Variants in NRG2 observed in about 807,000 individuals in gnomAD.
NRG2 encodes pro-neuregulin-2, membrane-bound isoform.
NRG2 carries 27 observed loss-of-function variants against 73.9 expected under a neutral mutation model. That is an observed-to-expected ratio of 0.37 (90% CI 0.27 to 0.50). NRG2 has a LOEUF of 0.50. Among genes scored for constraint, NRG2 ranks in the 20% least tolerant of loss-of-function variants. The pLI is 0.96. For synonymous variants in NRG2, 532 were observed against 541.0 expected (o/e 0.98, Z 0.23); for missense variants, 1,126 against 1,210.1 (o/e 0.93, Z 1.03).
Position 139,940,676 on chromosome 5 carries a change from A to G in NRG2, c.701-53165T>C, listed in dbSNP as rs573493571. Among the ~76,000 whole-genome samples, 9 of 152,360 alleles carry G rather than the reference A, an allele frequency of 5.9e-5. No individual in the cohort carries two copies. In the South Asian group the frequency reaches 1.7e-3, roughly 28 times the overall value. ...CTATCATTTGTGAGGGCAAAAAAGA[A>G]AACACATAGGTATGTGCCATGTAGG... On this transcript the variant is annotated intron_variant, in intron 1 of 9. Transcript: ENST00000361474.
At chr5:140,010,182 C>G (rs1759248467) in intron 1 of NRG2, among the ~76,000 whole-genome samples, 1 of 152,038 alleles carries the variant, frequency 6.6e-6, no homozygotes, top group Non-Finnish European at 1.5e-5. Context: ...CCTGTAATCC[C>G]AGCTACTTGG....
In NRG2 at chr5:139,887,242, T is replaced by C. The variant is rs1763924500; in HGVS notation, c.872+98A>G. On this transcript the variant is annotated intron_variant, in intron 2 of 9. Transcript: ENST00000361474. This position sits in a 1 kb window ranked among gnomAD's most constrained non-coding sequence, Gnocchi z 4.5. The stretch of plus-strand genomic sequence containing the variant: ...CTGGGACTGGTTCCATGGGTGAGTC[T>C]GGGGGCACAGCCCTGGCCTCTGCCC... 2.1e-6 allele frequency: 3 copies of C among 1,414,428 alleles called. No individual in the cohort carries two copies. In the African/African-American group the frequency reaches 4.2e-5, roughly 20 times the overall value. 87.6% of individuals were successfully genotyped at this position (1,414,428 alleles called of 1,614,324 possible).
At chr5:139,964,420 CA>C (rs5871720) in intron 1 of NRG2, among the ~76,000 whole-genome samples, 31,620 of 151,726 alleles carry the variant, frequency 0.21, 4,093 homozygotes, top group African/African-American at 0.37. Context: ...CACAGCCTGT[CA>C]ATAACCACAC....
intron 1 of NRG2, among the ~76,000 whole-genome samples, chr5:139,903,422 A>C (rs1043052338): frequency 3.3e-5 from 5 of 152,224 alleles, no homozygotes; most frequent in South Asian, 2.1e-4. Context: ...AAAACACATA[A>C]AATTAGCACA....
chr5:139,861,713 A>C (rs1762157695), intron 5 of NRG2: 1 of 516,092 alleles, frequency 1.9e-6, no homozygotes, highest in East Asian at 5.5e-5. Flanking sequence ...AGGGTGTCCC[A>C]GGGCTGGTCA....
intron 1 of NRG2, among the ~76,000 whole-genome samples, chr5:139,907,685 C>A (rs564582489): frequency 6.6e-6 from 1 of 152,308 alleles, no homozygotes; most frequent in Admixed American, 6.5e-5. Flanking sequence ...CACGAGCACT[C>A]TCCCTGGACT....
At chr5:139,892,870 T>C (rs1764304780) in intron 1 of NRG2, among the ~76,000 whole-genome samples, 1 of 152,178 alleles carries the variant, frequency 6.6e-6, no homozygotes, top group Non-Finnish European at 1.5e-5. Flanking sequence ...CCCTTGAGTA[T>C]TGAGCACCTC....
chr5:139,857,408 G>A (rs1761875862), intron 5 of NRG2, among the ~76,000 whole-genome samples: 1 of 152,014 alleles, frequency 6.6e-6, no homozygotes, highest in Non-Finnish European at 1.5e-5. Flanking sequence ...TGCACCTATT[G>A]GCAGCCTCTG....
chr5:139,898,497 C>T (rs747422901), intron 1 of NRG2, among the ~76,000 whole-genome samples: 36 of 152,220 alleles, frequency 2.4e-4, no homozygotes, highest in Admixed American at 7.2e-4. Flanking sequence ...CACCTGACTG[C>T]ACCAGAAGTC....
chr5:139,996,670 C>T (rs59852076), intron 1 of NRG2, among the ~76,000 whole-genome samples: 2,398 of 152,330 alleles, frequency 0.016, 58 homozygotes, highest in African/African-American at 0.055. Flanking sequence ...GCTTAGCAGG[C>T]CTGCCCTTCA....
intron 5 of NRG2, among the ~76,000 whole-genome samples, chr5:139,864,368 T>C (rs1762338243): frequency 6.6e-6 from 1 of 150,984 alleles, no homozygotes; most frequent in Admixed American, 6.6e-5. Context: ...TCTTTCTTTC[T>C]TCTCCTTCTT....
Position 139,954,540 on chromosome 5 carries a change from G to T in NRG2, c.701-67029C>A, listed in dbSNP as rs563739149. Among the ~76,000 whole-genome samples, 2 of 152,250 alleles carry T rather than the reference G, an allele frequency of 1.3e-5. No homozygotes were observed. The highest frequency in any genetic ancestry group is 6.5e-5 in the Admixed American group (1 of 15,304). Reference sequence around the variant, plus strand: ...AATGGCTTCTCAACGCCTTAGTCAAGATAAATAAACTTCTAAGCCCCAACT... The same window carrying T: ...AATGGCTTCTCAACGCCTTAGTCAATATAAATAAACTTCTAAGCCCCAACT... On this transcript the variant is annotated intron_variant, in intron 1 of 9. Transcript: ENST00000361474. This position sits in a 1 kb window ranked among gnomAD's most constrained non-coding sequence, Gnocchi z 5.0.
rs1434237373 is a variant in NRG2 at position 139,915,067 on chromosome 5, T to C, written c.701-27556A>G. Among the ~76,000 whole-genome samples, 1 of 152,214 alleles carries C rather than the reference T, an allele frequency of 6.6e-6. No individual in the cohort carries two copies. Among genetic ancestry groups the C allele is most frequent in the Non-Finnish European group, 1.5e-5 (1 of 68,036 alleles). On this transcript the variant is annotated intron_variant, in intron 1 of 9. Coordinates refer to ENST00000361474, the MANE Select transcript of NRG2 (RefSeq NM_004883.3). This position sits in a 1 kb window ranked among gnomAD's most constrained non-coding sequence, Gnocchi z 4.0. ...ACATGGCCCCAGGGTGTGGCTCCAG[T>C]AATTCAAGGGGGAAGGGGCTGTGGG...
intron 1 of NRG2, among the ~76,000 whole-genome samples, chr5:140,012,846 T>C (rs1202583845): frequency 6.6e-6 from 1 of 152,228 alleles, no homozygotes; most frequent in Admixed American, 6.5e-5. Context: ...AAAACCACAA[T>C]TCTAGTCAAA....
In NRG2 at chr5:140,043,066, G is replaced by A. The variant is rs755595564; in HGVS notation, c.4C>T (p.Arg2Trp). Residue 2 changes from arginine (R) to tryptophan (W), a missense_variant, in exon 1 of 10, where the codon CGG becomes TGG. Physicochemically the swap from Arg to Trp is moderately radical, Grantham distance 101. Transcript: ENST00000361474. The surrounding 1 kb of genome is among the most constrained non-coding windows in gnomAD (Gnocchi z 6.7). M[R>W]QVCCSALPPP... Reference sequence around the variant, plus strand: ...GGCAGCGCTGAGCAGCAAACCTGCCGCATCTGGCCAGGCCATTTGGGGGGC... The same window carrying A: ...GGCAGCGCTGAGCAGCAAACCTGCCACATCTGGCCAGGCCATTTGGGGGGC... The A allele has an allele frequency of 1.9e-6, 3 of 1,559,824 alleles. No homozygotes were observed. Among genetic ancestry groups the A allele is most frequent in the Non-Finnish European group, 2.6e-6 (3 of 1,161,450 alleles).
chr5:139,897,760 A>G (rs1365643478), intron 1 of NRG2, among the ~76,000 whole-genome samples: 4 of 151,152 alleles, frequency 2.6e-5, no homozygotes, highest in Non-Finnish European at 1.5e-5. Context: ...CCCACCCAAC[A>G]CTCCTCCCCA....
At chr5:139,871,393 G>C (rs1762841611) in intron 4 of NRG2, among the ~76,000 whole-genome samples, 1 of 152,172 alleles carries the variant, frequency 6.6e-6, no homozygotes, top group Admixed American at 6.5e-5. Context: ...GGCAGAGAGA[G>C]AGAGAAAGAG....
At chr5:140,034,226 C>T (rs180980924) in intron 1 of NRG2, among the ~76,000 whole-genome samples, 207 of 152,310 alleles carry the variant, frequency 1.4e-3, no homozygotes, top group African/African-American at 4.8e-3. Context: ...TGCCCAAGTG[C>T]TGGGATTACA....
intron 1 of NRG2, among the ~76,000 whole-genome samples, chr5:139,994,937 G>A (rs1757915872): frequency 6.6e-6 from 1 of 152,180 alleles, no homozygotes; most frequent in Admixed American, 6.5e-5. Context: ...GGAGATGGAA[G>A]GAGGTTGTGA....
Sources: allele counts gnomAD v4.1 joint callset (sites outside exome capture counted in the v4.1 genomes callset), GRCh38; gene constraint gnomAD v4.1.1; non-coding constraint Gnocchi (gnomAD v3.1); transcripts MANE v1.5; gene names NCBI Gene and HGNC (gene_info 2026-07-23, HGNC 2026-07-21).